Variants in SNX29 observed in about 807,000 individuals in gnomAD.
SNX29 encodes sorting nexin 29, also known as sorting nexin-29.
Under a neutral mutation model 102.1 loss-of-function variants are expected in SNX29, and 78 were observed. The observed-to-expected ratio is 0.76, with a 90% CI of 0.64 to 0.92. The LOEUF is 0.92. Ranked by LOEUF, SNX29 falls within the 40% of genes least tolerant of loss-of-function variation. SNX29 has a pLI of 0.00. For synonymous variants in SNX29, 580 were observed against 414.5 expected (o/e 1.40, Z -4.85); for missense variants, 1,280 against 1,061.7 (o/e 1.21, Z -2.86).
intron 14 of SNX29, among the ~76,000 whole-genome samples, chr16:12,260,261 C>A (rs1213195421): frequency 6.6e-6 from 1 of 152,182 alleles, no homozygotes; most frequent in Non-Finnish European, 1.5e-5. Flanking sequence ...GTCCTTGTTC[C>A]AGCCTTGACA....
At chr16:12,187,129 T>G (rs1267590900) in intron 13 of SNX29, among the ~76,000 whole-genome samples, 1 of 152,268 alleles carries the variant, frequency 6.6e-6, no homozygotes, top group Non-Finnish European at 1.5e-5. Flanking sequence ...TGCCTGGTTT[T>G]GAGTCCTGGA....
intron 14 of SNX29, among the ~76,000 whole-genome samples, chr16:12,206,544 C>G (rs570580467): frequency 1.3e-5 from 2 of 152,160 alleles, no homozygotes; most frequent in Admixed American, 6.5e-5. Context: ...AGTCAGTACA[C>G]GGGCGCTCCC....
intron 18 of SNX29, among the ~76,000 whole-genome samples, chr16:12,466,205 C>A (rs887636264): frequency 6.6e-6 from 1 of 151,506 alleles, no homozygotes; most frequent in African/African-American, 2.4e-5. Context: ...AAGTTAAATT[C>A]TCTCTATTTG....
In SNX29 at chr16:12,355,003, A is replaced by G. The variant is rs117737813; in HGVS notation, c.1783-1160A>G. ...CAGAAGGGGGTACCTTTGGAGGGGA[A>G]CTCACAGAGCAAGTTACTGGAAGCC... On this transcript the variant is annotated intron_variant, in intron 15 of 20. Coordinates refer to ENST00000566228, the MANE Select transcript of SNX29 (RefSeq NM_032167.5). Among the ~76,000 whole-genome samples the G allele has an allele frequency of 3.9e-3, 591 of 152,184 alleles. 10 individuals are homozygous for G. Among genetic ancestry groups the G allele is most frequent in the Admixed American group, 0.029 (438 of 15,296 alleles).
chr16:12,482,425 C>T (rs1040756127), intron 19 of SNX29, among the ~76,000 whole-genome samples: 1 of 152,150 alleles, frequency 6.6e-6, no homozygotes. Context: ...CTTCAGCCTC[C>T]CAAGTAGCTG....
chr16:12,104,769 C>G (rs560392736), intron 11 of SNX29, among the ~76,000 whole-genome samples: 6 of 152,284 alleles, frequency 3.9e-5, no homozygotes, highest in Non-Finnish European at 8.8e-5. Flanking sequence ...TTATGTTTAT[C>G]CATGCAAATC....
At chr16:12,112,313 C>T (rs7190611) in intron 11 of SNX29, among the ~76,000 whole-genome samples, 29,516 of 152,078 alleles carry the variant, frequency 0.19, 3,299 homozygotes, top group Middle Eastern at 0.27. Context: ...TCCCCTCCCT[C>T]TTAAGTTTGA....
At chr16:12,029,950 A>G (rs954074278) in intron 4 of SNX29, among the ~76,000 whole-genome samples, 1 of 152,006 alleles carries the variant, frequency 6.6e-6, no homozygotes. Flanking sequence ...GTTGGCAGTC[A>G]ATTACAAGGT....
intron 18 of SNX29, among the ~76,000 whole-genome samples, chr16:12,442,806 C>G (rs1403272969): frequency 2.0e-5 from 3 of 152,124 alleles, no homozygotes; most frequent in African/African-American, 7.2e-5. Context: ...GTTGCCCAGG[C>G]TGGTCTCCAA....
intron 14 of SNX29, among the ~76,000 whole-genome samples, chr16:12,267,369 G>A (rs2078959822): frequency 6.6e-6 from 1 of 152,010 alleles, no homozygotes; most frequent in South Asian, 2.1e-4. Flanking sequence ...TTCATCACTG[G>A]GTTCATCATT....
Position 12,560,168 on chromosome 16 carries a change from C to CT in SNX29, c.2319-8330dup, listed in dbSNP as rs779079143. 6.7e-3 allele frequency among the ~76,000 whole-genome samples: 947 copies of CT among 140,990 alleles called. 44 individuals are homozygous for CT. The highest frequency in any genetic ancestry group is 0.064 in the Admixed American group (869 of 13,588). The allele number at this position is 140,990 out of a possible 152,430, so 92.5% of individuals were successfully genotyped here. On this transcript the variant is annotated intron_variant, in intron 20 of 20. Transcript: ENST00000566228. Reference sequence around the variant, plus strand: ...CCAACAAACAGTAAAGCCTTTCTCACTTTTTTTTAATTCACCATTTAACTT... The same window carrying CT: ...CCAACAAACAGTAAAGCCTTTCTCACTTTTTTTTTAATTCACCATTTAACTT...
In SNX29 at chr16:12,530,920, C is replaced by G. The variant is rs543729434; in HGVS notation, c.2318+6079C>G. Reference sequence around the variant, plus strand: ...AAGGTAATAGTATCCACCGTAATGGCTGTTTCATAATTTATTTCACCCTTG... The same window carrying G: ...AAGGTAATAGTATCCACCGTAATGGGTGTTTCATAATTTATTTCACCCTTG... On this transcript the variant is annotated intron_variant, in intron 20 of 20. Transcript: ENST00000566228. Among the ~76,000 whole-genome samples the G allele has an allele frequency of 3.3e-5, 5 of 152,294 alleles. No homozygotes were observed. In the East Asian group the frequency reaches 9.6e-4, roughly 29 times the overall value.
intron 4 of SNX29, among the ~76,000 whole-genome samples, chr16:12,030,070 C>G (rs1402779287): frequency 6.6e-6 from 1 of 152,242 alleles, no homozygotes; most frequent in Non-Finnish European, 1.5e-5. Context: ...CAATGAGGAT[C>G]TGACTTTGAA....
chr16:12,228,002 G>A (rs1403197258), intron 14 of SNX29, among the ~76,000 whole-genome samples: 1 of 151,844 alleles, frequency 6.6e-6, no homozygotes, highest in Non-Finnish European at 1.5e-5. Context: ...GGATGTTGCT[G>A]GGCTGGCCCA....
intron 3 of SNX29, among the ~76,000 whole-genome samples, chr16:12,024,224 C>T (rs1263572939): frequency 2.6e-5 from 4 of 151,934 alleles, no homozygotes; most frequent in East Asian, 1.9e-4. Context: ...CGGCAACCTC[C>T]GCCTCCCGGA....
intron 4 of SNX29, among the ~76,000 whole-genome samples, chr16:12,031,179 T>G (rs2057331649): frequency 6.6e-6 from 1 of 152,078 alleles, no homozygotes; most frequent in Non-Finnish European, 1.5e-5. Context: ...TTCAGGTGAT[T>G]CTCGTGTCTT....
At chr16:12,166,439 G>A (rs540068434) in intron 13 of SNX29, among the ~76,000 whole-genome samples, 1 of 152,222 alleles carries the variant, frequency 6.6e-6, no homozygotes, top group Non-Finnish European at 1.5e-5. Context: ...GGCTAGCCAG[G>A]TTAACATGGT....
At chr16:12,134,265 CT>C (rs1181209009) in intron 13 of SNX29, among the ~76,000 whole-genome samples, 8 of 152,190 alleles carry the variant, frequency 5.3e-5, no homozygotes, top group Non-Finnish European at 1.2e-4. Context: ...GCAGTGTTAG[CT>C]CTTGCTGTGT....
intron 18 of SNX29, among the ~76,000 whole-genome samples, chr16:12,460,803 G>A (rs905148967): frequency 6.6e-6 from 1 of 151,884 alleles, no homozygotes; most frequent in East Asian, 1.9e-4. Flanking sequence ...GACTACTCAG[G>A]GTGCATGCCA....
Sources: gnomAD v4.1 joint callset for allele counts (sites outside exome capture counted in the v4.1 genomes callset) on GRCh38, gnomAD v4.1.1 for gene constraint, MANE v1.5 for transcripts, NCBI Gene and HGNC (gene_info 2026-07-23, HGNC 2026-07-21) for gene names.